SCFD2: variants seen among roughly 807,000 people sequenced by gnomAD.
SCFD2 encodes sec1 family domain-containing protein 2.
SCFD2 carries 54 observed loss-of-function variants against 58.9 expected under a neutral mutation model. That is an observed-to-expected ratio of 0.92 (90% CI 0.74 to 1.15). SCFD2 has a LOEUF of 1.15. Among genes scored for constraint, SCFD2 ranks in the 50% most tolerant of loss-of-function variants. The probability of loss-of-function intolerance (pLI) is 0.00; values close to 1 mark genes in which losing one functional copy is unlikely to be tolerated. For missense variants in SCFD2, 805 were observed against 836.6 expected (o/e 0.96, Z 0.47); for synonymous variants, 321 against 335.9 (o/e 0.96, Z 0.49).
intron 3 of SCFD2, among the ~76,000 whole-genome samples, chr4:53,275,083 C>A (rs1560424231): frequency 6.6e-6 from 1 of 152,246 alleles, no homozygotes; most frequent in South Asian, 2.1e-4. Context: ...ACACCCTTTA[C>A]TGATTCTCAT....
intron 5 of SCFD2, among the ~76,000 whole-genome samples, chr4:53,120,775 G>T (rs537253800): frequency 1.3e-5 from 2 of 151,962 alleles, no homozygotes; most frequent in Non-Finnish European, 2.9e-5. Context: ...CCCCCAGAAG[G>T]GTGTTGGTAT....
At chr4:52,932,687 T>C (rs1377722180) in intron 5 of SCFD2, among the ~76,000 whole-genome samples, 1 of 152,032 alleles carries the variant, frequency 6.6e-6, no homozygotes, top group Non-Finnish European at 1.5e-5. Flanking sequence ...AGAAGGGCAA[T>C]TTGAGTTTAT....
intron 5 of SCFD2, among the ~76,000 whole-genome samples, chr4:52,959,502 T>C (rs1024685320): frequency 6.6e-6 from 1 of 152,182 alleles, no homozygotes; most frequent in Non-Finnish European, 1.5e-5. Context: ...TCATCTGGGC[T>C]GTATTATTAA....
At chr4:53,144,948 C>T (rs891712606) in intron 5 of SCFD2, among the ~76,000 whole-genome samples, 1 of 152,180 alleles carries the variant, frequency 6.6e-6, no homozygotes, top group Non-Finnish European at 1.5e-5. Flanking sequence ...AGTGGGCAAG[C>T]AAGCATTACT....
intron 5 of SCFD2, among the ~76,000 whole-genome samples, chr4:53,126,026 G>A (rs1034862210): frequency 1.3e-5 from 2 of 152,262 alleles, no homozygotes; most frequent in East Asian, 1.9e-4. Flanking sequence ...AAAGGGAAGC[G>A]GACCATGCTG....
Position 53,110,442 on chromosome 4 carries a change from G to C in SCFD2, c.1561+34891C>G, listed in dbSNP as rs539939653. Reference sequence around the variant, plus strand: ...AGCACAGCAAAAGAAATTATCATCAGAGTGAATGGGCAACTTACACAATGG... The same window carrying C: ...AGCACAGCAAAAGAAATTATCATCACAGTGAATGGGCAACTTACACAATGG... On this transcript the variant is annotated intron_variant, in intron 5 of 8. Transcript: ENST00000401642. 5.3e-5 allele frequency among the ~76,000 whole-genome samples: 8 copies of C among 152,286 alleles called. No homozygotes were observed. In the South Asian group the frequency reaches 1.7e-3, roughly 32 times the overall value.
chr4:52,884,954 G>A (rs561834211), intron 8 of SCFD2, among the ~76,000 whole-genome samples: 1 of 152,292 alleles, frequency 6.6e-6, no homozygotes, highest in East Asian at 1.9e-4. Flanking sequence ...AGCCACCCTG[G>A]CACATTTCCT....
rs376496430 is a variant in SCFD2, at chr4:53,255,913, C to T, written c.1311+17913G>A. Among the ~76,000 whole-genome samples the T allele has an allele frequency of 9.5e-4, 132 of 139,228 alleles. 2 individuals carry two copies. The East Asian group carries it at 0.016, about 17-fold the overall frequency. 91.3% of individuals were successfully genotyped at this position (139,228 alleles called of 152,430 possible). On this transcript the variant is annotated intron_variant, in intron 4 of 8. Transcript: ENST00000401642. ...GGGGCTCCTCACTTCCCAGTAGGGG[C>T]GGCCGGGCAGAGGCGCCCCTCACCT...
intron 4 of SCFD2, among the ~76,000 whole-genome samples, chr4:53,263,022 C>T (rs1479117116): frequency 6.6e-6 from 1 of 151,950 alleles, no homozygotes. Flanking sequence ...GAAGTTCTTT[C>T]TTCTGCTTGT....
rs183286194 is a variant in SCFD2 at position 53,147,056 on chromosome 4, T to G, written c.1312-1474A>C. Among the ~76,000 whole-genome samples, 281 of 152,334 alleles carry G rather than the reference T, an allele frequency of 1.8e-3. 2 individuals are homozygous for G. The highest frequency in any genetic ancestry group is 1.2e-3 in the Non-Finnish European group (80 of 68,026). ...AGGAAACAACATCTTAAGATGTGTG[T>G]CTGTGTGTATGAATATGCACACATA... On this transcript the variant is annotated intron_variant, in intron 4 of 8. Coordinates refer to ENST00000401642, the MANE Select transcript of SCFD2 (RefSeq NM_152540.4).
intron 4 of SCFD2, among the ~76,000 whole-genome samples, chr4:53,201,031 A>C (rs1311991451): frequency 4.0e-5 from 6 of 151,740 alleles, no homozygotes; most frequent in Non-Finnish European, 8.8e-5. Context: ...AAAAAATTTT[A>C]TTATTATTAT....
chr4:52,959,468 C>G (rs367622187), intron 5 of SCFD2, among the ~76,000 whole-genome samples: 1 of 152,226 alleles, frequency 6.6e-6, no homozygotes, highest in Non-Finnish European at 1.5e-5. Flanking sequence ...AGTCTGAGAA[C>G]CCCGTGTACA....
At chr4:53,142,087 C>A (rs931817275) in intron 5 of SCFD2, among the ~76,000 whole-genome samples, 9 of 152,170 alleles carry the variant, frequency 5.9e-5, no homozygotes, top group African/African-American at 2.2e-4. Flanking sequence ...ACAAGTCCAC[C>A]CCTTGTCAAC....
chr4:53,142,169 A>G lies in SCFD2; in HGVS notation c.1561+3164T>C, dbSNP rs184965593. 5.9e-3 allele frequency among the ~76,000 whole-genome samples: 901 copies of G among 152,340 alleles called. 7 individuals carry two copies. The highest frequency in any genetic ancestry group is 0.012 in the East Asian group (61 of 5,184). On this transcript the variant is annotated intron_variant, in intron 5 of 8. Transcript: ENST00000401642. ...AAGACAATAACAAGAAAATGGTTCC[A>G]CCAAACATGATTCAACTACCCTGTG...
chr4:53,121,655 C>A (rs1025098661), intron 5 of SCFD2, among the ~76,000 whole-genome samples: 1 of 152,154 alleles, frequency 6.6e-6, no homozygotes, highest in Admixed American at 6.5e-5. Context: ...CAACTGAATG[C>A]GGTGCTTACG....
chr4:53,182,683 CA>C (rs1310179818), intron 4 of SCFD2, among the ~76,000 whole-genome samples: 1 of 152,100 alleles, frequency 6.6e-6, no homozygotes, highest in Admixed American at 6.5e-5. Flanking sequence ...AGCTTCTGCG[CA>C]GCAAAAGAAA....
At chr4:53,268,306 A>T (rs964389440) in intron 4 of SCFD2, among the ~76,000 whole-genome samples, 14 of 152,178 alleles carry the variant, frequency 9.2e-5, no homozygotes, top group African/African-American at 3.1e-4. Flanking sequence ...GCAGGGGATC[A>T]CAACCTGAGC....
At chr4:52,921,787 AGTCT>A (rs539194038) in intron 5 of SCFD2, among the ~76,000 whole-genome samples, 5 of 152,064 alleles carry the variant, frequency 3.3e-5, no homozygotes, top group East Asian at 1.9e-4. Context: ...TCAGGCAGTT[AGTCT>A]GTCTGTCTGT....
At chr4:52,995,732 G>A (rs1721728860) in intron 5 of SCFD2, among the ~76,000 whole-genome samples, 1 of 152,226 alleles carries the variant, frequency 6.6e-6, no homozygotes, top group South Asian at 2.1e-4. Flanking sequence ...AAGAGTGGCA[G>A]AAGGAAAAGG....
Sources: gnomAD v4.1 joint callset for allele counts (sites outside exome capture counted in the v4.1 genomes callset) on GRCh38, gnomAD v4.1.1 for gene constraint, MANE v1.5 for transcripts, NCBI Gene and HGNC (gene_info 2026-07-23, HGNC 2026-07-21) for gene names.